PCDH15: variants seen among roughly 807,000 people sequenced by gnomAD.
PCDH15 encodes protocadherin related 15, also known as protocadherin-15.
Under a neutral mutation model 178.5 loss-of-function variants are expected in PCDH15, and 129 were observed. That is an observed-to-expected ratio of 0.72 (90% CI 0.63 to 0.84). PCDH15 has a LOEUF of 0.84. Ranked by LOEUF, PCDH15 falls within the 40% of genes least tolerant of loss-of-function variation. The probability of loss-of-function intolerance (pLI) is 0.00; values close to 1 mark genes in which losing one functional copy is unlikely to be tolerated. For synonymous variants in PCDH15, 800 were observed against 732.0 expected (o/e 1.09, Z -1.50); for missense variants, 2,230 against 2,099.9 (o/e 1.06, Z -1.21).
chr10:55,328,534 A>C (rs765077878), intron 2 of PCDH15, among the ~76,000 whole-genome samples: 1 of 151,778 alleles, frequency 6.6e-6, no homozygotes, highest in Non-Finnish European at 1.5e-5. Flanking sequence ...TGGGATCGCC[A>C]TTATATATAC....
intron 18 of PCDH15, among the ~76,000 whole-genome samples, chr10:54,025,022 C>G (rs1322854648): frequency 6.6e-6 from 1 of 152,110 alleles, no homozygotes; most frequent in Non-Finnish European, 1.5e-5. Flanking sequence ...AAAAACTAAT[C>G]ATTTATGCAA....
rs543528217 is a variant in PCDH15, at chr10:54,503,726, T to C, written c.157+24086A>G. On this transcript the variant is annotated intron_variant, in intron 3 of 37. Coordinates refer to ENST00000644397, the MANE Select transcript of PCDH15 (RefSeq NM_001384140.1). ...GACATTGAAAGTTAACCCCTTCTTT[T>C]ATTTATAATTAGAGACAAATGAAGA... 1.8e-3 allele frequency among the ~76,000 whole-genome samples: 272 copies of C among 152,198 alleles called. 2 individuals are homozygous for C. The highest frequency in any genetic ancestry group is 3.4e-3 in the Middle Eastern group (1 of 294).
rs112712188 is a variant in PCDH15 at position 54,059,406 on chromosome 10, T to G, written c.2220+7351A>C. 4.6e-5 allele frequency among the ~76,000 whole-genome samples: 7 copies of G among 152,330 alleles called. 1 individual carries two copies. The highest frequency in any genetic ancestry group is 1.7e-4 in the African/African-American group (7 of 41,568). ...CAACAACAGACCCAGCTTTACCCTA[T>G]TTATCTTATATAACAATAAGTAAAT... On this transcript the variant is annotated intron_variant, in intron 18 of 37. Transcript: ENST00000644397.
chr10:55,339,361 C>T (rs1291076002), intron 2 of PCDH15, among the ~76,000 whole-genome samples: 1 of 151,654 alleles, frequency 6.6e-6, no homozygotes, highest in Non-Finnish European at 1.5e-5. Flanking sequence ...TGCTGTCGGA[C>T]CAAGGATCTA....
chr10:54,289,743 G>A (rs2059272946), intron 8 of PCDH15, among the ~76,000 whole-genome samples: 1 of 152,166 alleles, frequency 6.6e-6, no homozygotes, highest in Admixed American at 6.5e-5. Flanking sequence ...AGAACTTTGT[G>A]ATGCATACAC....
intron 2 of PCDH15, chr10:54,600,733 A>G (rs1251882165): frequency 1.9e-6 from 1 of 517,468 alleles, no homozygotes; most frequent in Non-Finnish European, 3.7e-6. Context: ...TTCAAAATGC[A>G]TGTGATTGAC....
chr10:54,901,576 G>C (rs193219684), intron 2 of PCDH15, among the ~76,000 whole-genome samples: 1 of 152,082 alleles, frequency 6.6e-6, no homozygotes, highest in Non-Finnish European at 1.5e-5. Context: ...CATTATTTTA[G>C]AGATTTACTC....
chr10:55,273,116 C>T (rs1487159988), intron 1 of PCDH15, among the ~76,000 whole-genome samples: 1 of 151,994 alleles, frequency 6.6e-6, no homozygotes, highest in Non-Finnish European at 1.5e-5. Flanking sequence ...ATGTTCCTGG[C>T]ATAGTGCATG....
At chr10:54,950,520 C>G (rs1838313436) in intron 2 of PCDH15, among the ~76,000 whole-genome samples, 1 of 152,032 alleles carries the variant, frequency 6.6e-6, no homozygotes, top group Non-Finnish European at 1.5e-5. Flanking sequence ...CTCCTCCTTT[C>G]CTTCTGCCAT....
At chr10:54,196,294 C>G (rs373778188) in intron 10 of PCDH15, among the ~76,000 whole-genome samples, 16 of 152,068 alleles carry the variant, frequency 1.1e-4, no homozygotes, top group Admixed American at 1.0e-3. Context: ...AGGCGCCCAC[C>G]ACCACGCATG....
At chr10:54,529,468 T>A (rs1445592560) in intron 2 of PCDH15, among the ~76,000 whole-genome samples, 1 of 152,018 alleles carries the variant, frequency 6.6e-6, no homozygotes, top group Non-Finnish European at 1.5e-5. Flanking sequence ...ATAGCATTCC[T>A]CTGAACAAAA....
chr10:55,529,748 T>TATATAC (rs1182569942), intron 2 of PCDH15, among the ~76,000 whole-genome samples: 2 of 115,142 alleles, frequency 1.7e-5, no homozygotes, highest in African/African-American at 8.2e-5. Flanking sequence ...TGAGTATATA[T>TATATAC]ATATATATAT....
chr10:54,078,534 T>C lies in PCDH15; in HGVS notation c.2091+797A>G, dbSNP rs138767190. 6.9e-4 allele frequency among the ~76,000 whole-genome samples: 105 copies of C among 151,934 alleles called. 1 individual carries two copies. In the East Asian group the frequency reaches 0.018, roughly 27 times the overall value. On this transcript the variant is annotated intron_variant, in intron 17 of 37. Transcript: ENST00000644397. ...GTGAGCCTTGCTTATCAATCTGTAA[T>C]GGGTTTGAAATTATTTCTAGACAAT...
intron 2 of PCDH15, among the ~76,000 whole-genome samples, chr10:55,483,924 CTGG>C (rs1840240722): frequency 6.6e-6 from 1 of 151,450 alleles, no homozygotes; most frequent in Admixed American, 6.6e-5. Flanking sequence ...CAATGATTGA[CTGG>C]ATAAAGATGT....
intron 32 of PCDH15, chr10:53,823,514 C>T: frequency 2.4e-6 from 2 of 816,912 alleles, no homozygotes; most frequent in East Asian, 2.4e-5. Flanking sequence ...ATTTTAATTC[C>T]CTGCTCTTAG....
At chr10:55,091,233 T>C (rs1291528383) in intron 2 of PCDH15, among the ~76,000 whole-genome samples, 1 of 151,944 alleles carries the variant, frequency 6.6e-6, no homozygotes, top group East Asian at 1.9e-4. Flanking sequence ...AGAAATATAT[T>C]TAAGTATTTA....
At chr10:55,564,972 T>C (rs897893194) in intron 2 of PCDH15, among the ~76,000 whole-genome samples, 1 of 151,480 alleles carries the variant, frequency 6.6e-6, no homozygotes, top group Non-Finnish European at 1.5e-5. Flanking sequence ...TAAATAACAA[T>C]AGAGGACTTA....
chr10:54,762,221 T>G (rs1947966677), intron 1 of PCDH15, among the ~76,000 whole-genome samples: 1 of 152,108 alleles, frequency 6.6e-6, no homozygotes, highest in African/African-American at 2.4e-5. Flanking sequence ...TTATAAGAAA[T>G]GCTAATTAGG....
chr10:54,429,239 T>C (rs1319151691), intron 3 of PCDH15, among the ~76,000 whole-genome samples: 1 of 152,202 alleles, frequency 6.6e-6, no homozygotes, highest in Non-Finnish European at 1.5e-5. Flanking sequence ...TGTTTGTTTA[T>C]GTAACCAGTG....
Sources: gnomAD v4.1 joint callset for allele counts (sites outside exome capture counted in the v4.1 genomes callset) on GRCh38, gnomAD v4.1.1 for gene constraint, MANE v1.5 for transcripts, NCBI Gene and HGNC (gene_info 2026-07-23, HGNC 2026-07-21) for gene names.